Variants in LMLN observed in about 807,000 individuals in gnomAD.
The protein encoded by LMLN is leishmanolysin-like peptidase.
Under a neutral mutation model 92.3 loss-of-function variants are expected in LMLN, and 70 were observed. The ratio of observed to expected loss-of-function variants is 0.76; its 90% CI spans 0.63 to 0.92. LMLN has a LOEUF of 0.92. Among genes scored for constraint, LMLN ranks in the 40% least tolerant of loss-of-function variants. LMLN has a pLI of 0.00. For missense variants in LMLN, 691 were observed against 814.6 expected, an observed-to-expected ratio of 0.85 and a Z score of 1.85; for synonymous variants, 308 against 296.2, an observed-to-expected ratio of 1.04 and a Z score of -0.41.
exon 15 of LMLN, chr3:198,036,014 C>T: frequency 6.2e-7 from 1 of 1,613,748 alleles, no homozygotes; most frequent in South Asian, 1.1e-5. Flanking sequence ...GATCCTCCAG[C>T]CACTAACCTG....
intron 1 of LMLN, among the ~76,000 whole-genome samples, chr3:197,966,784 T>C (rs980882502): frequency 1.6e-4 from 24 of 152,232 alleles, no homozygotes; most frequent in Admixed American, 6.5e-5. Context: ...TTGATGATTT[T>C]ACATCTATGT....
intron 9 of LMLN, among the ~76,000 whole-genome samples, chr3:197,992,897 C>T (rs1721915835): frequency 6.6e-6 from 1 of 152,078 alleles, no homozygotes; most frequent in African/African-American, 2.4e-5. Context: ...AAGATACTAA[C>T]AAGCTGAATT....
In LMLN at chr3:197,996,171, T is replaced by C; in HGVS notation, c.1048-4T>C. ...TTGTTTCTGATTTTTTTTCTGGTTC[T>C]TAGGAGGAAGCACGAAAACATTTTG... On this transcript the variant is annotated splice_region_variant and splice_polypyrimidine_tract_variant and intron_variant, in intron 9 of 15. Coordinates refer to ENST00000330198, the Ensembl canonical transcript of LMLN. 1 of 1,542,120 alleles carries C rather than the reference T, an allele frequency of 6.5e-7. No homozygotes were observed. The highest frequency in any genetic ancestry group is 8.7e-7 in the Non-Finnish European group (1 of 1,145,952).
At chr3:197,977,372 C>G (rs1028342934) in intron 5 of LMLN, among the ~76,000 whole-genome samples, 1 of 152,100 alleles carries the variant, frequency 6.6e-6, no homozygotes, top group African/African-American at 2.4e-5. Context: ...GAAGTACACA[C>G]GTTAAATCTG....
chr3:197,977,500 G>T (rs960677130), intron 5 of LMLN, among the ~76,000 whole-genome samples: 4 of 143,010 alleles, frequency 2.8e-5, no homozygotes, highest in Non-Finnish European at 6.1e-5. Flanking sequence ...ATATAAAAAT[G>T]ATCAAACAAT....
chr3:198,021,350 G>C (rs1239878113), intron 12 of LMLN, 96 bp from the exon 14 acceptor site: 1 of 976,350 alleles, frequency 1.0e-6, no homozygotes, highest in Non-Finnish European at 1.6e-6. Context: ...CTTGTGTTAT[G>C]TGGCATTAAA....
rs969618500 is a variant in LMLN at position 197,972,765 on chromosome 3, C to G, written c.220-1612C>G. ...ATTCAAAATTCCAAACTCTTATCTC[C>G]TGTTGTTGGCAACATTTATTCTTTG... On this transcript the variant is annotated intron_variant, in intron 1 of 15. Coordinates refer to ENST00000330198, the Ensembl canonical transcript of LMLN. 8.5e-5 allele frequency among the ~76,000 whole-genome samples: 13 copies of G among 152,160 alleles called. No individual in the cohort carries two copies. The Middle Eastern group carries it at 0.014, about 159-fold the overall frequency.
intron 8 of LMLN, 43 bp from the exon 9 acceptor site, chr3:197,990,516 G>C: frequency 1.2e-6 from 1 of 819,240 alleles, no homozygotes; most frequent in Non-Finnish European, 2.0e-6. Context: ...ATTTAAAATG[G>C]TGAATTTTCA....
chr3:197,990,125 C>T (rs115660447), intron 8 of LMLN, among the ~76,000 whole-genome samples: 9,819 of 151,758 alleles, frequency 0.065, 378 homozygotes, highest in African/African-American at 0.1. Flanking sequence ...TGCAGTGGCA[C>T]GAACATGGCT....
intron 5 of LMLN, among the ~76,000 whole-genome samples, chr3:197,979,312 GGA>G (rs1721489584): frequency 6.6e-6 from 1 of 151,952 alleles, no homozygotes; most frequent in African/African-American, 2.4e-5. Flanking sequence ...TTTCTAATTT[GGA>G]GATTATGATT....
At chr3:197,988,008 G>A (rs752628716) in intron 8 of LMLN, among the ~76,000 whole-genome samples, 4 of 151,918 alleles carry the variant, frequency 2.6e-5, no homozygotes, top group East Asian at 3.8e-4. Flanking sequence ...TTCTAATCAC[G>A]TTGTAGGAGT....
At chr3:197,980,071 C>T (rs1721513566) in intron 5 of LMLN, among the ~76,000 whole-genome samples, 1 of 151,858 alleles carries the variant, frequency 6.6e-6, no homozygotes, top group African/African-American at 2.4e-5. Flanking sequence ...GTTGGCCTTC[C>T]TTTGTAAATA....
intron 12 of LMLN, among the ~76,000 whole-genome samples, chr3:198,020,766 G>GTTTGTTTTTTTTTTTTTTTTTT (rs1260852398): frequency 1.6e-4 from 4 of 25,642 alleles, no homozygotes; most frequent in African/African-American, 5.5e-4. Flanking sequence ...GCTAATTTTT[G>GTTTGTTTTTTTTTTTTTTTTTT]TATTTTTTTT....
At chr3:197,999,434 T>A in intron 11 of LMLN, 92 bp downstream of exon 11, 1 of 818,776 alleles carries the variant, frequency 1.2e-6, no homozygotes, top group Non-Finnish European at 2.1e-6. Context: ...CATTTTATGC[T>A]GAAGCAAAAT....
exon 16 of LMLN, chr3:198,041,106 T>A (rs1164623555): frequency 6.6e-6 from 1 of 152,266 alleles, no homozygotes; most frequent in Non-Finnish European, 1.5e-5. Context: ...AAGAATTAAT[T>A]CTGATTATTT....
At chr3:197,980,731 G>C (rs1475598548) in intron 6 of LMLN, 2 of 390,596 alleles carry the variant, frequency 5.1e-6, no homozygotes, top group Non-Finnish European at 9.2e-6. Flanking sequence ...GAAAAGTGAA[G>C]CACTTCGTTT....
At chr3:198,015,180 C>T (rs1470344997) in intron 11 of LMLN, among the ~76,000 whole-genome samples, 1 of 142,310 alleles carries the variant, frequency 7.0e-6, no homozygotes, top group Non-Finnish European at 1.5e-5. Flanking sequence ...TTCAGAGCCC[C>T]CTAACTAGTC....
chr3:198,021,569 C>T (rs1380838506), exon 13 of LMLN: 9 of 1,614,070 alleles, frequency 5.6e-6, no homozygotes, highest in Non-Finnish European at 7.6e-6. Flanking sequence ...TGAATATCAG[C>T]GCAGCTCAGA....
chr3:197,971,944 C>CTTTTTTTTTTTTT (rs756710031), intron 1 of LMLN, among the ~76,000 whole-genome samples: 7 of 81,218 alleles, frequency 8.6e-5, no homozygotes, highest in Admixed American at 2.8e-4. Flanking sequence ...AGTCTCTGTT[C>CTTTTTTTTTTTTT]TTTTTTTTTT....
Sources: allele counts gnomAD v4.1 joint callset (sites outside exome capture counted in the v4.1 genomes callset), GRCh38; gene constraint gnomAD v4.1.1; transcripts MANE v1.5; gene names NCBI Gene and HGNC (gene_info 2026-07-23, HGNC 2026-07-21).